The following DNM3 variants were observed in gnomAD, a reference collection of about 807,000 sequenced individuals.
DNM3 encodes the protein dynamin 3, also known as dynamin-3.
A neutral mutation model predicts 101.6 loss-of-function variants in DNM3; 47 were observed. The ratio of observed to expected loss-of-function variants is 0.46; its 90% CI spans 0.37 to 0.59. The LOEUF is 0.59. Ranked by LOEUF, DNM3 falls within the 20% of genes least tolerant of loss-of-function variation. DNM3 has a pLI of 0.00. For missense variants in DNM3, 849 were observed against 1,085.7 expected (o/e 0.78, Z 3.06); for synonymous variants, 385 against 387.9 (o/e 0.99, Z 0.09).
At chr1:171,846,994 G>A (rs958744094) in intron 1 of DNM3, among the ~76,000 whole-genome samples, 2 of 152,076 alleles carry the variant, frequency 1.3e-5, no homozygotes, top group East Asian at 1.9e-4. Flanking sequence ...ACCCAGGATC[G>A]TATAGCTAGC....
At chr1:172,068,729 T>C in intron 10 of DNM3, 90 bp from the exon 11 acceptor site, 1 of 1,161,898 alleles carries the variant, frequency 8.6e-7, no homozygotes, top group Non-Finnish European at 1.3e-6. Context: ...GCAATGAATA[T>C]CTTCTGTAAA....
chr1:171,884,979 CAACCATCTT>C (rs1378707434), intron 1 of DNM3, among the ~76,000 whole-genome samples: 5 of 152,170 alleles, frequency 3.3e-5, no homozygotes, highest in African/African-American at 1.2e-4. Context: ...GGTTACATCT[CAACCATCTT>C]TTCATCTCTA....
intron 14 of DNM3, among the ~76,000 whole-genome samples, chr1:172,169,888 G>T (rs56287694): frequency 6.6e-6 from 1 of 151,792 alleles, no homozygotes; most frequent in Non-Finnish European, 1.5e-5. Context: ...TTCTTTTGAA[G>T]AATTTTGATT....
intron 11 of DNM3, among the ~76,000 whole-genome samples, chr1:172,069,189 G>A (rs763361172): frequency 6.6e-6 from 1 of 152,080 alleles, no homozygotes; most frequent in Non-Finnish European, 1.5e-5. Context: ...ATGCTCCATG[G>A]ATCATGCATA....
intron 2 of DNM3, among the ~76,000 whole-genome samples, chr1:171,981,652 C>T (rs1353620754): frequency 1.3e-5 from 2 of 152,150 alleles, no homozygotes; most frequent in South Asian, 4.1e-4. Flanking sequence ...AATTATAGCT[C>T]TGATTTTTTA....
chr1:172,082,124 T>A (rs2053197293), intron 12 of DNM3, among the ~76,000 whole-genome samples: 2 of 152,226 alleles, frequency 1.3e-5, no homozygotes, highest in Non-Finnish European at 1.5e-5. Context: ...GCATATGAAG[T>A]CATGTATGTC....
intron 1 of DNM3, among the ~76,000 whole-genome samples, chr1:171,913,882 G>T (rs1353810486): frequency 1.3e-5 from 2 of 151,954 alleles, no homozygotes; most frequent in East Asian, 3.9e-4. Context: ...TCGACCTCCT[G>T]GGTTCAAGCA....
chr1:172,085,032 TC>T (rs2053432731), intron 12 of DNM3, among the ~76,000 whole-genome samples: 1 of 152,164 alleles, frequency 6.6e-6, no homozygotes, highest in Non-Finnish European at 1.5e-5. Flanking sequence ...ACACTTTTTT[TC>T]CATCTTCTAG....
intron 1 of DNM3, among the ~76,000 whole-genome samples, chr1:171,865,562 G>C (rs970835318): frequency 2.0e-5 from 3 of 148,604 alleles, no homozygotes; most frequent in East Asian, 1.9e-4. Flanking sequence ...GAACTGAAGA[G>C]GCAGGACCAA....
chr1:172,143,304 A>C (rs914125252), intron 14 of DNM3, among the ~76,000 whole-genome samples: 1 of 152,154 alleles, frequency 6.6e-6, no homozygotes, highest in Admixed American at 6.6e-5. Flanking sequence ...AACCCTGTAG[A>C]AGAGATGTTT....
intron 2 of DNM3, among the ~76,000 whole-genome samples, chr1:171,969,078 T>A (rs1571880789): frequency 6.6e-6 from 1 of 152,310 alleles, no homozygotes; most frequent in South Asian, 2.1e-4. Flanking sequence ...ATGTACATGC[T>A]TTCTGGGCAC....
intron 2 of DNM3, among the ~76,000 whole-genome samples, chr1:171,956,980 A>T (rs1256454723): frequency 6.6e-6 from 1 of 152,118 alleles, no homozygotes; most frequent in Non-Finnish European, 1.5e-5. Flanking sequence ...GGCTGCACAG[A>T]GCAGGGGGAT....
At chr1:172,051,609 G>A (rs1320493911) in intron 10 of DNM3, among the ~76,000 whole-genome samples, 1 of 152,092 alleles carries the variant, frequency 6.6e-6, no homozygotes, top group East Asian at 1.9e-4. Flanking sequence ...TAGATTTTAA[G>A]CCAATTGGGA....
At chr1:172,252,744 G>A (rs1300148017) in intron 14 of DNM3, among the ~76,000 whole-genome samples, 4 of 152,068 alleles carry the variant, frequency 2.6e-5, no homozygotes, top group Non-Finnish European at 4.4e-5. Flanking sequence ...TATTGCCCGT[G>A]GGCCAGTCCC....
chr1:171,930,253 T>C (rs2040896443), intron 2 of DNM3, among the ~76,000 whole-genome samples: 1 of 152,212 alleles, frequency 6.6e-6, no homozygotes, highest in South Asian at 2.1e-4. Flanking sequence ...CGCAGAGCTC[T>C]ATCCAGGGAG....
At chr1:172,239,810 T>TTTC (rs1553204971) in intron 14 of DNM3, among the ~76,000 whole-genome samples, 2 of 143,396 alleles carry the variant, frequency 1.4e-5, no homozygotes, top group Non-Finnish European at 3.1e-5. Flanking sequence ...CTTTTTTTTT[T>TTTC]TTTTTTTTTT....
intron 15 of DNM3, among the ~76,000 whole-genome samples, chr1:172,274,312 A>C (rs2063194853): frequency 6.6e-6 from 1 of 152,048 alleles, no homozygotes; most frequent in Non-Finnish European, 1.5e-5. Context: ...CAACTAGCTC[A>C]GGATTGAAAG....
rs185838149 is a variant in DNM3, at chr1:172,308,534, A to T, written c.1770-194A>T. Among the ~76,000 whole-genome samples the T allele has an allele frequency of 9.7e-3, 1,452 of 150,268 alleles. 6 individuals carry two copies. Among genetic ancestry groups the T allele is most frequent in the Non-Finnish European group, 0.015 (1,029 of 67,582 alleles). On this transcript the variant is annotated intron_variant, in intron 15 of 20. Coordinates refer to ENST00000627582, the MANE Select transcript of DNM3 (RefSeq NM_015569.5). ...TCTGAGCTTTGTAATGTGATTTTTT[A>T]AAAAATTATATTGTAAATACATGTA...
chr1:172,087,197 C>T (rs2053592805), intron 12 of DNM3, among the ~76,000 whole-genome samples: 1 of 152,080 alleles, frequency 6.6e-6, no homozygotes. Context: ...CTTCAATAAC[C>T]TTCCACTCTC....
Sources: allele counts gnomAD v4.1 joint callset (sites outside exome capture counted in the v4.1 genomes callset), GRCh38; gene constraint gnomAD v4.1.1; transcripts MANE v1.5; gene names NCBI Gene and HGNC (gene_info 2026-07-23, HGNC 2026-07-21).